The following PPM1G variants were observed in gnomAD, a reference collection of about 807,000 sequenced individuals.
The protein encoded by PPM1G is protein phosphatase, Mg2+/Mn2+ dependent 1G.
A neutral mutation model predicts 59.4 loss-of-function variants in PPM1G; 12 were observed. The observed-to-expected ratio is 0.20, with a 90% CI of 0.13 to 0.33. The LOEUF is 0.33. Among genes scored for constraint, PPM1G ranks in the 10% least tolerant of loss-of-function variants. The pLI is 1.00. For missense variants in PPM1G, 392 were observed against 681.3 expected (o/e 0.58, Z 4.73); for synonymous variants, 245 against 251.9 (o/e 0.97, Z 0.26).
rs982620771 is a variant in PPM1G at position 27,382,014 on chromosome 2, G to A, written c.1434+112C>T. Reference sequence around the variant, plus strand: ...TGGAACTTTGGAGTCGGGGTTTAGCGTCTGTCAGCAATTACTGATAATGCT... The same window carrying A: ...TGGAACTTTGGAGTCGGGGTTTAGCATCTGTCAGCAATTACTGATAATGCT... On this transcript the variant is annotated intron_variant, in intron 9 of 9. Transcript: ENST00000344034. The surrounding 1 kb of genome is among the most constrained non-coding windows in gnomAD (Gnocchi z 4.2). 2.7e-5 allele frequency: 31 copies of A among 1,154,542 alleles called. No individual in the cohort carries two copies. Among genetic ancestry groups the A allele is most frequent in the East Asian group, 2.1e-4 (9 of 42,120 alleles). 71.5% of individuals were successfully genotyped at this position (1,154,542 alleles called of 1,614,324 possible).
intron 1 of PPM1G, among the ~76,000 whole-genome samples, chr2:27,408,929 A>C (rs1663446043): frequency 6.6e-6 from 1 of 152,238 alleles, no homozygotes; most frequent in Non-Finnish European, 1.5e-5. Flanking sequence ...CTCTCCCTTG[A>C]AAAACAAATG....
intron 1 of PPM1G, among the ~76,000 whole-genome samples, chr2:27,392,507 C>T: frequency 6.7e-6 from 1 of 148,896 alleles, no homozygotes; most frequent in East Asian, 2.0e-4. Flanking sequence ...GTTGCCCAGG[C>T]TGGTCTCAAA....
At chr2:27,395,798 T>C (rs1049557084) in intron 1 of PPM1G, among the ~76,000 whole-genome samples, 7 of 149,492 alleles carry the variant, frequency 4.7e-5, no homozygotes, top group African/African-American at 1.7e-4. Flanking sequence ...AGCTATCACA[T>C]TGCACCACTG....
At chr2:27,408,064 A>G (rs1663422598) in intron 1 of PPM1G, among the ~76,000 whole-genome samples, 2 of 151,820 alleles carry the variant, frequency 1.3e-5, no homozygotes, top group East Asian at 3.9e-4. Flanking sequence ...AAAAAAAGGG[A>G]GCCAAAGCAG....
chr2:27,409,169 CG>C, intron 1 of PPM1G, 133 bp downstream of exon 1: 1 of 1,296,510 alleles, frequency 7.7e-7, no homozygotes, highest in Non-Finnish European at 1.0e-6. Context: ...CGGTCTCTGT[CG>C]CCCCGCAAAC....
At chr2:27,407,376 A>G (rs925950127) in intron 1 of PPM1G, among the ~76,000 whole-genome samples, 23 of 151,824 alleles carry the variant, frequency 1.5e-4, no homozygotes, top group African/African-American at 4.4e-4. Flanking sequence ...GTGATTTTCT[A>G]TCTCAGCCTC....
chr2:27,382,203 C>G lies in PPM1G; in HGVS notation c.1357G>C (p.Val453Leu). 1 of 1,614,238 alleles carries G rather than the reference C, an allele frequency of 6.2e-7. No individual in the cohort carries two copies. Among genetic ancestry groups the G allele is most frequent in the Non-Finnish European group, 8.5e-7 (1 of 1,180,046 alleles). The part of the protein sequence containing the change: ...IWNVMSSQEV[V>L]DFIQSKISQR... Reference sequence around the variant, plus strand: ...CTGATCTTTGATTGAATGAAATCTACAACTTCCTGGCTGCTCATCACATTC... The same window carrying G: ...CTGATCTTTGATTGAATGAAATCTAGAACTTCCTGGCTGCTCATCACATTC... Residue 453 changes from valine to leucine, a missense_variant, in exon 9 of 10, where the codon GTA (valine) becomes CTA (leucine). Around this residue, in one of 6 missense-constraint regions of PPM1G, gnomAD observed 53 missense variants for 175.4 expected, o/e 0.30. Transcript: ENST00000344034. This position sits in a 1 kb window ranked among gnomAD's most constrained non-coding sequence, Gnocchi z 4.2.
chr2:27,393,054 T>C (rs1361030195), intron 1 of PPM1G: 46 of 1,298,904 alleles, frequency 3.5e-5, no homozygotes, highest in Non-Finnish European at 5.0e-5. Context: ...CCAAATGTAA[T>C]CCATCGCATT....
In PPM1G at chr2:27,382,135, A is replaced by G; in HGVS notation, c.1425T>C (p.Ile475=). The G allele has an allele frequency of 1.9e-6, 3 of 1,613,910 alleles. No individual in the cohort carries two copies. The highest frequency in any genetic ancestry group is 2.5e-6 in the Non-Finnish European group (3 of 1,179,772). The part of the protein sequence containing the change: ...ENGELRLLSS[I]VEELLDQCLA... ...CCACCCTGGTACTCACCTCTTCCAC[A>G]ATGGATGACAATAACCGAAGCTCCC... Residue 475 remains isoleucine (I), a synonymous_variant, in exon 9 of 10, where the codon ATT becomes ATC. Transcript: ENST00000344034. The surrounding 1 kb of genome is among the most constrained non-coding windows in gnomAD (Gnocchi z 4.2).
Position 27,385,198 on chromosome 2 carries a change from C to T in PPM1G, c.410-110G>A, listed in dbSNP as rs1683735065. ...CCTCTAACTTCCCCACAACCTCCCA[C>T]TCCCAAGGTTCCTCTCGCTCAAGTC... On this transcript the variant is annotated intron_variant, in intron 4 of 9. Coordinates refer to ENST00000344034, the MANE Select transcript of PPM1G (RefSeq NM_177983.3). This position sits in a 1 kb window ranked among gnomAD's most constrained non-coding sequence, Gnocchi z 4.1. The T allele has an allele frequency of 8.1e-7, 1 of 1,240,244 alleles. No homozygotes were observed. Among genetic ancestry groups the T allele is most frequent in the Admixed American group, 2.6e-5 (1 of 37,750 alleles). 76.8% of individuals were successfully genotyped at this position (1,240,244 alleles called of 1,614,324 possible).
chr2:27,396,526 T>A (rs939600930), intron 1 of PPM1G, among the ~76,000 whole-genome samples: 1 of 150,756 alleles, frequency 6.6e-6, no homozygotes, highest in African/African-American at 2.4e-5. Flanking sequence ...ATTAAAAAAA[T>A]TTTTAAGGCC....
At chr2:27,387,785 T>TTTAG (rs1310015801) in intron 1 of PPM1G, among the ~76,000 whole-genome samples, 2 of 151,442 alleles carry the variant, frequency 1.3e-5, no homozygotes, top group Non-Finnish European at 1.5e-5. Flanking sequence ...TGTACACAGC[T>TTTAG]TTATTTATTT....
chr2:27,394,466 C>T (rs1683994337), intron 1 of PPM1G, among the ~76,000 whole-genome samples: 1 of 151,980 alleles, frequency 6.6e-6, no homozygotes, highest in Admixed American at 6.6e-5. Flanking sequence ...GGCACGGTGA[C>T]CCCCCTGTAA....
At chr2:27,394,535 C>G (rs1176906691) in intron 1 of PPM1G, among the ~76,000 whole-genome samples, 1 of 151,650 alleles carries the variant, frequency 6.6e-6, no homozygotes, top group Non-Finnish European at 1.5e-5. Context: ...TTGAGACCAT[C>G]CTGGCCAACA....
In PPM1G at chr2:27,409,466, C is replaced by T; in HGVS notation, c.-44G>A. On this transcript the variant is annotated 5_prime_UTR_variant, in exon 1 of 10. Transcript: ENST00000344034. ...GCCTCAGGTGCAGGAAAGCTGGGCG[C>T]GACCCGTGCCGGAGCCGAAGCCCCG... 6.9e-7 allele frequency: 1 copy of T among 1,443,730 alleles called. No individual in the cohort carries two copies. The highest frequency in any genetic ancestry group is 1.4e-5 in the South Asian group (1 of 70,936). The allele number at this position is 1,443,730 out of a possible 1,614,324, so 89.4% of individuals were successfully genotyped here. A position where few individuals can be genotyped will look rare whatever the true frequency, so the allele number is the denominator to read the frequency against.
At position 27,385,903 on chromosome 2, in the gene PPM1G, A is replaced by C; in HGVS notation, c.277-24T>G. Reference sequence around the variant, plus strand: ...GCCTGAATATAAGCAAAATAGTCTAAGACTAGTACAAAATGAACTCCCTAT... The same window carrying C: ...GCCTGAATATAAGCAAAATAGTCTACGACTAGTACAAAATGAACTCCCTAT... On this transcript the variant is annotated intron_variant, in intron 3 of 9. Transcript: ENST00000344034. The surrounding 1 kb of genome is among the most constrained non-coding windows in gnomAD (Gnocchi z 4.1). The C allele has an allele frequency of 1.2e-6, 2 of 1,604,046 alleles. No individual in the cohort carries two copies. Among genetic ancestry groups the C allele is most frequent in the Non-Finnish European group, 1.7e-6 (2 of 1,177,184 alleles).
rs754902027 is a variant in PPM1G, at chr2:27,387,193, G to C, written c.121-35C>G. 21 of 1,558,616 alleles carry C rather than the reference G, an allele frequency of 1.3e-5. No individual in the cohort carries two copies. The South Asian group carries it at 2.3e-4, about 17-fold the overall frequency. On this transcript the variant is annotated intron_variant, in intron 1 of 9. Transcript: ENST00000344034. The stretch of plus-strand genomic sequence containing the variant: ...GAAGAGCATAATCGGCATGTCTCAA[G>C]GTCGAAGAATATTCCTCAGGTCATA...
intron 1 of PPM1G, among the ~76,000 whole-genome samples, chr2:27,391,969 G>C (rs942888714): frequency 6.6e-6 from 1 of 151,774 alleles, no homozygotes; most frequent in Non-Finnish European, 1.5e-5. Context: ...TGGACCTCGT[G>C]ATCTGCCCAC....
chr2:27,399,316 A>G (rs1684127856), intron 1 of PPM1G, among the ~76,000 whole-genome samples: 1 of 152,240 alleles, frequency 6.6e-6, no homozygotes, highest in Admixed American at 6.6e-5. Flanking sequence ...AAAAATGGAC[A>G]AAGACTTTGA....
Sources: gnomAD v4.1 joint callset for allele counts (sites outside exome capture counted in the v4.1 genomes callset) on GRCh38, gnomAD v4.1.1 for gene constraint, gnomAD v4.1.1 regional missense constraint, Gnocchi (gnomAD v3.1) non-coding constraint, MANE v1.5 for transcripts, NCBI Gene and HGNC (gene_info 2026-07-23, HGNC 2026-07-21) for gene names.